Variants in SH3TC1 observed in about 807,000 individuals in gnomAD.
SH3TC1 encodes SH3 domain and tetratricopeptide repeat-containing protein 1.
Under a neutral mutation model 117.3 loss-of-function variants are expected in SH3TC1, and 135 were observed. The ratio of observed to expected loss-of-function variants is 1.15; its 90% CI spans 1.00 to 1.33. SH3TC1 has a LOEUF of 1.33. SH3TC1 is among the 40% of genes most tolerant of loss of function. The probability of loss-of-function intolerance (pLI) is 0.00; values close to 1 mark genes in which losing one functional copy is unlikely to be tolerated. For missense variants in SH3TC1, 2,092 were observed against 1,794.3 expected (o/e 1.17, Z -3.00); for synonymous variants, 898 against 816.9 (o/e 1.10, Z -1.69).
At chr4:8,188,718 AC>A (rs796081346) in intron 1 of SH3TC1, among the ~76,000 whole-genome samples, 113 of 152,324 alleles carry the variant, frequency 7.4e-4, no homozygotes, top group African/African-American at 2.6e-3. Flanking sequence ...ACCTGGCTGG[AC>A]ACCAAAGTGG....
upstream of SH3TC1, among the ~76,000 whole-genome samples, chr4:8,196,573 C>A (rs756966995): frequency 2.0e-5 from 3 of 152,180 alleles, no homozygotes; most frequent in African/African-American, 7.2e-5. This position sits in a 1 kb window ranked among gnomAD's most constrained non-coding sequence, Gnocchi z 4.6. Context: ...TAGAATCCAG[C>A]TCCCAAAGTG....
At chr4:8,196,304 G>A (rs116239012), upstream of SH3TC1, among the ~76,000 whole-genome samples, 1,071 of 152,316 alleles carry the variant, frequency 7.0e-3, 8 homozygotes, top group African/African-American at 0.024. The surrounding 1 kb of genome is among the most constrained non-coding windows in gnomAD (Gnocchi z 4.6). Context: ...CCCGAGGCAC[G>A]AATGTGACCC....
chr4:8,237,542 G>A lies in SH3TC1; in HGVS notation c.3625G>A (p.Glu1209Lys), dbSNP rs377508070. 15 of 1,609,668 alleles carry A rather than the reference G, an allele frequency of 9.3e-6. No homozygotes were observed. The highest frequency in any genetic ancestry group is 3.4e-5 in the Admixed American group (2 of 59,604). Residue 1209 changes from glutamate (E) to lysine (K), a missense_variant, in exon 17 of 18, where the codon GAG (glutamate) becomes AAG (lysine). By Grantham distance (56) the Glu-to-Lys change is moderately conservative. Transcript: ENST00000245105. Reference sequence around the variant, plus strand: ...CCTGCAACACCGACTGGGCCATGGCGAGCTGGCAGAGCACTTCTACCTCAA... The same window carrying A: ...CCTGCAACACCGACTGGGCCATGGCAAGCTGGCAGAGCACTTCTACCTCAA... ...AALQHRLGHG[E>K]LAEHFYLKAL...
Position 8,233,456 on chromosome 4 carries a change from AG to A in SH3TC1, c.3226del (p.Ala1076GlnfsTer68), listed in dbSNP as rs745694022. On this transcript the variant is annotated frameshift_variant, in exon 14 of 18. Coordinates refer to ENST00000245105, the MANE Select transcript of SH3TC1 (RefSeq NM_018986.5). LOFTEE classifies it high-confidence loss of function. Reference protein sequence around the residue: ...KEKEAHAWLQAGKIYYILRQS... With the variant: ...KEKEAHAWLQXGKIYYILRQS... ...AGAAGGAGGCGCATGCCTGGCTGCA[AG>A]CAGGGAAGATCTATTACATCTTGCG... 6.2e-7 allele frequency: 1 copy of A among 1,613,958 alleles called. No individual in the cohort carries two copies. Among genetic ancestry groups the A allele is most frequent in the Non-Finnish European group, 8.5e-7 (1 of 1,179,920 alleles).
chr4:8,203,239 G>A (rs549941710), intron 1 of SH3TC1, among the ~76,000 whole-genome samples: 2 of 152,184 alleles, frequency 1.3e-5, no homozygotes, highest in African/African-American at 4.8e-5. Flanking sequence ...GGCAGCTTCA[G>A]TGTGCACTTC....
chr4:8,228,607 G>A lies in SH3TC1; in HGVS notation c.2913G>A (p.Trp971Ter), dbSNP rs781615410. Residue 971 changes from tryptophan to a stop codon, truncating the protein, a stop_gained, in exon 12 of 18, where the codon TGG (tryptophan) becomes TGA (stop). Transcript: ENST00000245105. LOFTEE classifies it high-confidence loss of function. ...AGCAGGGCAAGGGCTACTACGAGTGGGCCCTTCTGGTCGCCGTGGAGATGG... is the reference window on the plus strand; with the variant it reads ...AGCAGGGCAAGGGCTACTACGAGTGAGCCCTTCTGGTCGCCGTGGAGATGG... Reference protein sequence around the residue: ...PAQQGKGYYEWALLVAVEMGH... With the variant: ...PAQQGKGYYE The A allele has an allele frequency of 1.3e-6, 2 of 1,542,050 alleles. No individual in the cohort carries two copies. Among genetic ancestry groups the A allele is most frequent in the Admixed American group, 2.0e-5 (1 of 50,400 alleles).
In SH3TC1 at chr4:8,237,611, AC is replaced by A; in HGVS notation, c.3697del (p.Leu1233SerfsTer4). 1 of 1,611,566 alleles carries A rather than the reference AC, an allele frequency of 6.2e-7. No individual in the cohort carries two copies. Among genetic ancestry groups the A allele is most frequent in the Non-Finnish European group, 8.5e-7 (1 of 1,179,240 alleles). Reference sequence around the variant, plus strand: ...CTCGCCGCTGGAGTTTGACGAGGAGACCCTCTACTACGTGAAGGTGTACCTG... The same window carrying A: ...CTCGCCGCTGGAGTTTGACGAGGAGACCTCTACTACGTGAAGGTGTACCTG... ...CNSPLEFDEE[T>X]LYYVKVYLVL... On this transcript the variant is annotated frameshift_variant, in exon 17 of 18. Coordinates refer to ENST00000245105, the MANE Select transcript of SH3TC1 (RefSeq NM_018986.5). LOFTEE classifies it high-confidence loss of function.
Position 8,212,815 on chromosome 4 carries a change from C to G in SH3TC1, c.362C>G (p.Ala121Gly). The G allele has an allele frequency of 6.3e-7, 1 of 1,588,462 alleles. No homozygotes were observed. The highest frequency in any genetic ancestry group is 1.1e-5 in the South Asian group (1 of 87,352). The change falls in exon 4 of 18, where the codon GCC becomes GGC. Residue 121 changes from alanine to glycine, a missense_variant. By Grantham distance (60) the Ala-to-Gly change is moderately conservative. Coordinates refer to ENST00000245105, the MANE Select transcript of SH3TC1 (RefSeq NM_018986.5). ...RLLENDSREMARVLGELSARL... is the reference protein window; with the variant it reads ...RLLENDSREMGRVLGELSARL... ...CTGGAGAATGATAGCCGGGAGATGG[C>G]CCGCGTGCTTGGGGTGAGTAGCCCT... is the stretch of plus-strand genomic sequence containing the variant.
At chr4:8,236,091 G>A (rs1311656242) in intron 15 of SH3TC1, 187 bp from the exon 16 acceptor site, 11 of 703,788 alleles carry the variant, frequency 1.6e-5, no homozygotes, top group Non-Finnish European at 2.2e-5. Context: ...AGCTGGATGG[G>A]CCTCAGGTGA....
At chr4:8,216,070 C>T (rs760094550) in intron 5 of SH3TC1, 41 bp from the exon 6 acceptor site, 2 of 1,606,954 alleles carry the variant, frequency 1.2e-6, no homozygotes, top group South Asian at 1.1e-5. Flanking sequence ...CTCCCTGCCC[C>T]TCTTCTGGAG....
intron 10 of SH3TC1, among the ~76,000 whole-genome samples, 172 bp downstream of exon 10, chr4:8,223,142 G>C (rs2152989256): frequency 6.6e-6 from 1 of 152,346 alleles, no homozygotes; most frequent in South Asian, 2.1e-4. Flanking sequence ...AGCCAGACAG[G>C]AGAGAGGATG....
rs146668114 is a variant in SH3TC1 at position 8,233,457 on chromosome 4, G to C, written c.3226G>C (p.Ala1076Pro). 3.0e-4 allele frequency: 478 copies of C among 1,613,918 alleles called. 1 individual carries two copies. The East Asian group carries it at 8.6e-3, about 29-fold the overall frequency. ...KEKEAHAWLQAGKIYYILRQS... is the reference protein window; with the variant it reads ...KEKEAHAWLQPGKIYYILRQS... ...GAAGGAGGCGCATGCCTGGCTGCAA[G>C]CAGGGAAGATCTATTACATCTTGCG... Residue 1076 changes from alanine to proline, a missense_variant, in exon 14 of 18, where the codon GCA becomes CCA. Coordinates refer to ENST00000245105, the MANE Select transcript of SH3TC1 (RefSeq NM_018986.5).
chr4:8,236,011 G>A (rs767655891), intron 15 of SH3TC1: 2 of 502,656 alleles, frequency 4.0e-6, no homozygotes, highest in Non-Finnish European at 7.0e-6. Context: ...GAGCAGAGAG[G>A]AGTGCAGGCT....
At chr4:8,237,377 A>G in intron 16 of SH3TC1, 97 bp from the exon 17 acceptor site, 1 of 1,061,748 alleles carries the variant, frequency 9.4e-7, no homozygotes, top group Non-Finnish European at 1.3e-6. Flanking sequence ...TGCCCAGGTG[A>G]CCGCAGTGCC....
chr4:8,230,845 C>G (rs932764712), intron 12 of SH3TC1, among the ~76,000 whole-genome samples: 3 of 146,282 alleles, frequency 2.1e-5, no homozygotes, highest in Non-Finnish European at 4.4e-5. Flanking sequence ...TGCAGTGGTG[C>G]AATCTCGGCT....
chr4:8,233,594 A>G, intron 14 of SH3TC1, 81 bp downstream of exon 14: 2 of 1,449,168 alleles, frequency 1.4e-6, no homozygotes, highest in South Asian at 1.5e-5. Flanking sequence ...ATGATGATAG[A>G]TGATCCTTCC....
At position 8,234,512 on chromosome 4, in the gene SH3TC1, TGTCCATCC is replaced by T. The variant is rs1460103355; in HGVS notation, c.3283-916_3283-909del. Among the ~76,000 whole-genome samples the T allele has an allele frequency of 8.6e-5, 13 of 150,428 alleles. 1 individual carries two copies. The South Asian group carries it at 2.5e-3, about 29-fold the overall frequency. On this transcript the variant is annotated intron_variant, in intron 14 of 17. Transcript: ENST00000245105. Reference sequence around the variant, plus strand: ...CCATCCACCCATCCATCCATTCATCTGTCCATCCGTCCGTCCATCCATCCATCCACCCA... The same window carrying T: ...CCATCCACCCATCCATCCATTCATCTGTCCGTCCATCCATCCATCCACCCA...
intron 4 of SH3TC1, among the ~76,000 whole-genome samples, chr4:8,214,165 C>T (rs1045143400): frequency 2.4e-4 from 36 of 151,692 alleles, no homozygotes; most frequent in African/African-American, 3.4e-4. Context: ...GGAGAAGCGG[C>T]GGTCACTGGT....
intron 2 of SH3TC1, among the ~76,000 whole-genome samples, chr4:8,208,177 A>T (rs2152980846): frequency 6.6e-6 from 1 of 152,312 alleles, no homozygotes; most frequent in Middle Eastern, 3.4e-3. Flanking sequence ...AGGGGCTCAG[A>T]TCTTCTTCAG....
Sources: allele counts gnomAD v4.1 joint callset (sites outside exome capture counted in the v4.1 genomes callset), GRCh38; gene constraint gnomAD v4.1.1; non-coding constraint Gnocchi (gnomAD v3.1); transcripts MANE v1.5; gene names NCBI Gene and HGNC (gene_info 2026-07-23, HGNC 2026-07-21).